The following SLC9C2 variants were observed in gnomAD, a reference collection of about 807,000 sequenced individuals.
The protein encoded by SLC9C2 is solute carrier family 9 member C2 (putative).
Under a neutral mutation model 140.2 loss-of-function variants are expected in SLC9C2, and 75 were observed. That is an observed-to-expected ratio of 0.53 (90% CI 0.44 to 0.65). SLC9C2 has a LOEUF of 0.65. Ranked by LOEUF, SLC9C2 falls within the 30% of genes least tolerant of loss-of-function variation. The pLI is 0.00. For synonymous variants in SLC9C2, 375 were observed against 420.9 expected, an observed-to-expected ratio of 0.89 and a Z score of 1.34; for missense variants, 1,074 against 1,331.8, an observed-to-expected ratio of 0.81 and a Z score of 3.01.
At position 173,601,671 on chromosome 1, in the gene SLC9C2, A is replaced by C. The variant is rs1401829157; in HGVS notation, c.106T>G (p.Cys36Gly). Reference protein sequence around the residue: ...VEEKHFTTLVCFIVVLGGLLK... With the variant: ...VEEKHFTTLVGFIVVLGGLLK... ...CTACCTCCCAAAACAACAATGAAGC[A>C]TACAAGCGTTGTGAAATGTTTCTCT... Residue 36 changes from cysteine (C) to glycine (G), a missense_variant, in exon 2 of 28, where the codon TGC (cysteine) becomes GGC (glycine). By Grantham distance (159) the Cys-to-Gly change is radical (BLOSUM62 -3). Transcript: ENST00000367714. 1.2e-6 allele frequency: 2 copies of C among 1,614,084 alleles called. No homozygotes were observed. The highest frequency in any genetic ancestry group is 1.7e-6 in the Non-Finnish European group (2 of 1,179,948).
intron 21 of SLC9C2, among the ~76,000 whole-genome samples, chr1:173,523,731 G>A (rs1660990815): frequency 6.6e-6 from 1 of 152,184 alleles, no homozygotes; most frequent in Non-Finnish European, 1.5e-5. Flanking sequence ...AATGGGATTG[G>A]TAATAGTCAG....
intron 9 of SLC9C2, among the ~76,000 whole-genome samples, chr1:173,562,646 T>A (rs2102131137): frequency 6.6e-6 from 1 of 152,330 alleles, no homozygotes; most frequent in African/African-American, 2.4e-5. Context: ...TCCAGATTTT[T>A]AAAATAATTT....
chr1:173,548,851 G>A (rs1663053466), intron 11 of SLC9C2, among the ~76,000 whole-genome samples: 1 of 152,168 alleles, frequency 6.6e-6, no homozygotes, highest in Non-Finnish European at 1.5e-5. Flanking sequence ...ATTTCTCAAA[G>A]TGTAAAGTGT....
At chr1:173,508,160 G>GA (rs1481758962) in intron 24 of SLC9C2, among the ~76,000 whole-genome samples, 1 of 150,488 alleles carries the variant, frequency 6.6e-6, no homozygotes, top group African/African-American at 2.4e-5. Context: ...TTCACAACCA[G>GA]AAAATCTAAA....
At chr1:173,557,965 C>G (rs1268209134) in intron 9 of SLC9C2, among the ~76,000 whole-genome samples, 1 of 152,018 alleles carries the variant, frequency 6.6e-6, no homozygotes, top group African/African-American at 2.4e-5. Context: ...TATTGAGCTC[C>G]CACAAGAATC....
intron 4 of SLC9C2, among the ~76,000 whole-genome samples, chr1:173,589,513 T>C (rs1009452723): frequency 1.2e-4 from 18 of 152,092 alleles, no homozygotes; most frequent in African/African-American, 4.3e-4. Context: ...TAAGGGGTAA[T>C]CATGCCACTG....
chr1:173,517,428 A>G (rs1660497702), intron 23 of SLC9C2, 109 bp downstream of exon 23: 3 of 1,079,572 alleles, frequency 2.8e-6, no homozygotes. Flanking sequence ...TTACCTCCCA[A>G]TAGCTGGTTG....
intron 15 of SLC9C2, among the ~76,000 whole-genome samples, chr1:173,535,171 A>G (rs1435254434): frequency 6.6e-6 from 1 of 152,130 alleles, no homozygotes; most frequent in Non-Finnish European, 1.5e-5. Flanking sequence ...TAAACTTATT[A>G]AATGGAAAAA....
intron 21 of SLC9C2, among the ~76,000 whole-genome samples, chr1:173,523,510 A>G (rs4916367): frequency 0.51 from 77,467 of 152,092 alleles, 21,489 homozygotes; most frequent in East Asian, 0.95. Context: ...TGTTGAAAGA[A>G]TTCAAAGTCC....
At chr1:173,515,268 C>T (rs1660336558) in intron 23 of SLC9C2, among the ~76,000 whole-genome samples, 1 of 152,174 alleles carries the variant, frequency 6.6e-6, no homozygotes, top group South Asian at 2.1e-4. Context: ...AACTTGGTTT[C>T]ATTCTCCCTG....
Position 173,596,677 on chromosome 1 carries a change from AC to A in SLC9C2, c.357+1226del, listed in dbSNP as rs567098751. ...TTTTAAAAAGAAGCAGAAATTATCA[AC>A]CTGTATAAAATAAAAAAAATCCAAC... On this transcript the variant is annotated intron_variant, in intron 4 of 27. Transcript: ENST00000367714. The A allele has an allele frequency of 6.9e-4, 105 of 152,222 alleles. 1 individual carries two copies. The highest frequency in any genetic ancestry group is 2.9e-3 in the Admixed American group (44 of 15,284). The allele number at this position is 152,222 out of a possible 1,614,324, so 9.4% of individuals were successfully genotyped here.
At chr1:173,590,022 C>A (rs972936092) in intron 4 of SLC9C2, among the ~76,000 whole-genome samples, 6 of 152,158 alleles carry the variant, frequency 3.9e-5, no homozygotes, top group African/African-American at 1.2e-4. Flanking sequence ...GCGAGCAGAT[C>A]TTCTGAGGTT....
At chr1:173,582,033 G>A in intron 6 of SLC9C2, 25 bp from the exon 7 acceptor site, 1 of 1,464,694 alleles carries the variant, frequency 6.8e-7, no homozygotes, top group South Asian at 1.5e-5. Flanking sequence ...GAAAAAATAA[G>A]AAATAAAAAC....
chr1:173,510,390 G>A (rs554723184), intron 23 of SLC9C2, among the ~76,000 whole-genome samples: 196 of 152,192 alleles, frequency 1.3e-3, no homozygotes, highest in Middle Eastern at 0.01. Context: ...TTAGGTCTAC[G>A]TGTGCCATGG....
At chr1:173,599,839 A>T (rs1666677728) in intron 3 of SLC9C2, among the ~76,000 whole-genome samples, 1 of 152,108 alleles carries the variant, frequency 6.6e-6, no homozygotes, top group African/African-American at 2.4e-5. Context: ...CCTGGCCTCA[A>T]GTGATCCACC....
At chr1:173,520,933 T>C (rs929451353) in intron 22 of SLC9C2, among the ~76,000 whole-genome samples, 1 of 152,186 alleles carries the variant, frequency 6.6e-6, no homozygotes. Context: ...TCTGTCTCTC[T>C]CTCTGGTCAA....
At chr1:173,505,440 G>A in intron 25 of SLC9C2, 109 bp from the exon 26 acceptor site, 1 of 783,590 alleles carries the variant, frequency 1.3e-6, no homozygotes, top group South Asian at 1.8e-5. Context: ...CCTAAAGCTG[G>A]GTCTTCAATC....
At chr1:173,527,826 T>C (rs1416747283) in intron 18 of SLC9C2, among the ~76,000 whole-genome samples, 1 of 152,228 alleles carries the variant, frequency 6.6e-6, no homozygotes, top group African/African-American at 2.4e-5. Flanking sequence ...GGTTTTTTTG[T>C]TGTCTTTGTT....
At chr1:173,513,000 G>A (rs960677361) in intron 23 of SLC9C2, among the ~76,000 whole-genome samples, 4 of 152,208 alleles carry the variant, frequency 2.6e-5, no homozygotes, top group Non-Finnish European at 5.9e-5. Context: ...GGATGAAGCC[G>A]ACTTGATTGT....
Sources: gnomAD v4.1 joint callset for allele counts (sites outside exome capture counted in the v4.1 genomes callset) on GRCh38, gnomAD v4.1.1 for gene constraint, MANE v1.5 for transcripts, NCBI Gene and HGNC (gene_info 2026-07-23, HGNC 2026-07-21) for gene names.